Variants in USP37 observed in about 807,000 individuals in gnomAD.
USP37 encodes the protein ubiquitin specific peptidase 37.
USP37 carries 27 observed loss-of-function variants against 124.0 expected under a neutral mutation model. The ratio of observed to expected loss-of-function variants is 0.22; its 90% CI spans 0.16 to 0.30. The LOEUF (loss-of-function observed/expected upper bound fraction) is 0.30. Ranked by LOEUF, USP37 falls within the 10% of genes least tolerant of loss-of-function variation. USP37 has a pLI of 1.00. For synonymous variants in USP37, 365 were observed against 388.0 expected, an observed-to-expected ratio of 0.94 and a Z score of 0.70; for missense variants, 889 against 1,140.4, an observed-to-expected ratio of 0.78 and a Z score of 3.17.
intron 17 of USP37, among the ~76,000 whole-genome samples, chr2:218,481,683 C>CTTTTTT (rs71403043): frequency 9.7e-5 from 13 of 134,450 alleles, no homozygotes; most frequent in African/African-American, 1.6e-4. Flanking sequence ...CTTTTCTTTT[C>CTTTTTT]TTTTTTTTTT....
At chr2:218,534,529 A>G (rs1691513075) in intron 9 of USP37, 80 bp downstream of exon 9, 2 of 728,110 alleles carry the variant, frequency 2.7e-6, no homozygotes. Flanking sequence ...AAGAATGTAC[A>G]GATGGGTTAG....
rs200987431 is a variant in USP37 at position 218,549,899 on chromosome 2, C to T, written c.339G>A (p.Pro113=). ...HQNRLPAAMK[P]SQGSGSFGAI... ...CTCCAAAACTACCAGACCCCTGAGA[C>T]GGTTTCATGGCTGGTGACCAAAAAT... The change falls in exon 6 of 26, where the codon CCG becomes CCA. Residue 113 remains proline (P), a synonymous_variant. Coordinates refer to ENST00000258399, the MANE Select transcript of USP37 (RefSeq NM_020935.3). The T allele has an allele frequency of 1.6e-5, 26 of 1,603,132 alleles. No individual in the cohort carries two copies. Among genetic ancestry groups the T allele is most frequent in the African/African-American group, 8.0e-5 (6 of 74,634 alleles).
intron 11 of USP37, among the ~76,000 whole-genome samples, chr2:218,502,093 T>A (rs955147930): frequency 1.3e-5 from 2 of 151,764 alleles, no homozygotes; most frequent in African/African-American, 4.8e-5. Flanking sequence ...CAAAAAGAAC[T>A]TAAGCAGATC....
intron 10 of USP37, among the ~76,000 whole-genome samples, chr2:218,524,895 C>A (rs1373733837): frequency 6.6e-6 from 1 of 152,218 alleles, no homozygotes; most frequent in Admixed American, 6.5e-5. Context: ...CAGGCGTGAG[C>A]CACCATGCCC....
chr2:218,474,868 T>C lies in USP37; in HGVS notation c.2061A>G (p.Pro687=). ...EDLEKDSKLC[P]IEPDKSELEN... is the part of the protein sequence containing the mutation. ...CCAATTCAGACTTGTCAGGCTCTAT[T>C]GGGCATAATTTTGAATCCTGAAGAA... Residue 687 remains proline, a synonymous_variant, in exon 20 of 26, where the codon CCA becomes CCG. Transcript: ENST00000258399. 6.2e-7 allele frequency: 1 copy of C among 1,612,192 alleles called. No individual in the cohort carries two copies. Among genetic ancestry groups the C allele is most frequent in the South Asian group, 1.1e-5 (1 of 90,478 alleles).
chr2:218,469,814 C>CTTTTT (rs71064451), intron 20 of USP37, among the ~76,000 whole-genome samples: 34 of 64,642 alleles, frequency 5.3e-4, no homozygotes, highest in East Asian at 1.9e-3. Flanking sequence ...ACTCAACATT[C>CTTTTT]TTTTTTTTTT....
At chr2:218,488,890 C>T (rs974046083) in intron 14 of USP37, among the ~76,000 whole-genome samples, 1 of 152,128 alleles carries the variant, frequency 6.6e-6, no homozygotes, top group Non-Finnish European at 1.5e-5. Context: ...CTGCCTTAGC[C>T]TCCCAAAGTA....
intron 2 of USP37, among the ~76,000 whole-genome samples, chr2:218,561,876 A>G (rs1248640186): frequency 1.3e-5 from 2 of 152,130 alleles, no homozygotes; most frequent in East Asian, 1.9e-4. Context: ...TGAATTACTT[A>G]TAATTTCCTC....
chr2:218,526,783 TGC>T (rs1491497454), intron 10 of USP37, among the ~76,000 whole-genome samples: 1 of 130,106 alleles, frequency 7.7e-6, no homozygotes, highest in Admixed American at 8.2e-5. Context: ...TCATTTCATT[TGC>T]TTTTTTTTTT....
At chr2:218,483,821 C>A (rs141863005) in intron 16 of USP37, among the ~76,000 whole-genome samples, 1 of 152,252 alleles carries the variant, frequency 6.6e-6, no homozygotes, top group East Asian at 1.9e-4. Context: ...TTCCTGGCCT[C>A]AAACCACTCA....
At chr2:218,467,276 C>T (rs1382738562) in intron 20 of USP37, among the ~76,000 whole-genome samples, 2 of 151,204 alleles carry the variant, frequency 1.3e-5, no homozygotes, top group Admixed American at 6.6e-5. Context: ...TCCTGAGTAG[C>T]TGGGACTACA....
At chr2:218,485,829 C>T in intron 15 of USP37, 86 bp from the exon 16 acceptor site, 1 of 1,410,196 alleles carries the variant, frequency 7.1e-7, no homozygotes, top group South Asian at 1.3e-5. Flanking sequence ...CTTATTAGTT[C>T]CATTAGTGGA....
intron 24 of USP37, 68 bp from the exon 25 acceptor site, chr2:218,455,786 G>A (rs539935489): frequency 4.1e-5 from 62 of 1,524,400 alleles, no homozygotes; most frequent in Middle Eastern, 3.5e-4. Flanking sequence ...GATGGCTCAC[G>A]CCTGTAATCT....
intron 10 of USP37, among the ~76,000 whole-genome samples, chr2:218,513,197 A>G (rs960810796): frequency 2.6e-5 from 4 of 151,738 alleles, no homozygotes; most frequent in Non-Finnish European, 5.9e-5. Flanking sequence ...TGTCTGGCTA[A>G]TTTTTGTATT....
At chr2:218,456,450 C>A (rs1279524847) in intron 24 of USP37, among the ~76,000 whole-genome samples, 2 of 149,336 alleles carry the variant, frequency 1.3e-5, no homozygotes, top group African/African-American at 2.5e-5. Flanking sequence ...CAGAGTGAGA[C>A]CCTGTCTCTT....
intron 11 of USP37, among the ~76,000 whole-genome samples, chr2:218,508,852 A>T (rs1689823713): frequency 6.6e-6 from 1 of 152,228 alleles, no homozygotes; most frequent in Non-Finnish European, 1.5e-5. Flanking sequence ...CGGATAAGCC[A>T]TTTGGCAAAT....
At chr2:218,472,333 AG>A (rs1325407105) in intron 20 of USP37, among the ~76,000 whole-genome samples, 1 of 152,164 alleles carries the variant, frequency 6.6e-6, no homozygotes, top group East Asian at 1.9e-4. Flanking sequence ...ACGGTTCACT[AG>A]ATGCTGTCTT....
chr2:218,497,350 C>A (rs954920356), intron 13 of USP37, among the ~76,000 whole-genome samples: 4 of 151,402 alleles, frequency 2.6e-5, no homozygotes, highest in Non-Finnish European at 4.4e-5. Flanking sequence ...GGATTATAGG[C>A]GTGAGCCACC....
intron 4 of USP37, among the ~76,000 whole-genome samples, chr2:218,556,346 A>G (rs1692972916): frequency 6.6e-6 from 1 of 151,216 alleles, no homozygotes; most frequent in Non-Finnish European, 1.5e-5. Flanking sequence ...GGGTTAAAGA[A>G]AAAAAAAAGA....
Sources: gnomAD v4.1 joint callset for allele counts (sites outside exome capture counted in the v4.1 genomes callset) on GRCh38, gnomAD v4.1.1 for gene constraint, MANE v1.5 for transcripts, NCBI Gene and HGNC (gene_info 2026-07-23, HGNC 2026-07-21) for gene names.